The following SMIM5 variants were observed in gnomAD, a reference collection of about 807,000 sequenced individuals.
SMIM5 encodes the protein chromosome 17 open reading frame 109.
Under a neutral mutation model 4.0 loss-of-function variants are expected in SMIM5, and 4 were observed. That is an observed-to-expected ratio of 1.01 (90% CI 0.50 to 2.30). SMIM5 has a LOEUF of 2.30. SMIM5 is among the 30% of genes most tolerant of loss of function. The pLI, the probability that SMIM5 is intolerant of heterozygous loss-of-function variation, is 0.02. For synonymous variants in SMIM5, 46 were observed against 43.6 expected, an observed-to-expected ratio of 1.05 and a Z score of -0.22; for missense variants, 107 against 99.2, an observed-to-expected ratio of 1.08 and a Z score of -0.34.
At chr17:75,639,081 G>C (rs979721863) in intron 1 of SMIM5, 2 of 152,356 alleles carry the variant, frequency 1.3e-5, no homozygotes, top group African/African-American at 4.8e-5. Context: ...GCCAATTGCA[G>C]GGTGGAGGGC....
chr17:75,634,250 A>AAGG, intron 1 of SMIM5, 48 bp downstream of exon 1: 3 of 985,522 alleles, frequency 3.0e-6, no homozygotes, highest in Non-Finnish European at 3.6e-6. Context: ...AGGGAGCAGC[A>AAGG]AGGGTCCCCT....
At chr17:75,634,277 G>A (rs1001497845) in intron 1 of SMIM5, 75 bp downstream of exon 1, 65 of 984,020 alleles carry the variant, frequency 6.6e-5, no homozygotes, top group Admixed American at 1.8e-4. Flanking sequence ...AGGGTGAAGG[G>A]CCACAGTCTA....
chr17:75,634,426 G>A (rs1051415208), intron 1 of SMIM5, among the ~76,000 whole-genome samples: 2 of 152,220 alleles, frequency 1.3e-5, no homozygotes, highest in East Asian at 3.8e-4. Context: ...TGCTCAGAGC[G>A]CCTCCTGCTC....
At chr17:75,637,944 G>A (rs1225013611) in intron 1 of SMIM5, 1 of 152,278 alleles carries the variant, frequency 6.6e-6, no homozygotes, top group East Asian at 1.9e-4. Flanking sequence ...TTGCTCTCTC[G>A]GGTCTCAGCT....
At chr17:75,635,235 T>C (rs904518478) in intron 1 of SMIM5, among the ~76,000 whole-genome samples, 1 of 152,174 alleles carries the variant, frequency 6.6e-6, no homozygotes, top group African/African-American at 2.4e-5. Context: ...GACAAGCTCC[T>C]GCGGTGTTGG....
rs1214303444 is a variant in SMIM5 at position 75,640,264 on chromosome 17, G to GC, written c.64dup (p.Gln22ProfsTer7). ...TGGGCGAGAGGCTGCTGCTCAAGCT[G>GC]CAGAGACTGCCCCAGGCTGAGCCCG... On this transcript the variant is annotated frameshift_variant, in exon 2 of 3. Transcript: ENST00000375215. LOFTEE classifies it high-confidence loss of function. This position sits in a 1 kb window ranked among gnomAD's most constrained non-coding sequence, Gnocchi z 4.6. 13 of 1,551,506 alleles carry GC rather than the reference G, an allele frequency of 8.4e-6. No individual in the cohort carries two copies. The highest frequency in any genetic ancestry group is 1.1e-5 in the Non-Finnish European group (13 of 1,146,892).
intron 1 of SMIM5, among the ~76,000 whole-genome samples, chr17:75,635,632 C>T (rs778309294): frequency 1.3e-5 from 2 of 152,208 alleles, no homozygotes; most frequent in African/African-American, 4.8e-5. Flanking sequence ...GCATCCCCCC[C>T]GGCTGCTCAG....
In SMIM5 at chr17:75,633,503, CCAGGTCACT is replaced by C; in HGVS notation, c.-731_-723del. 1.6e-6 allele frequency: 2 copies of C among 1,288,766 alleles called. No individual in the cohort carries two copies. The highest frequency in any genetic ancestry group is 2.0e-6 in the Non-Finnish European group (2 of 988,482). The allele number at this position is 1,288,766 out of a possible 1,614,324, so 79.8% of individuals were successfully genotyped here. A position where few individuals can be genotyped will look rare whatever the true frequency, so the allele number is the denominator to read the frequency against. The stretch of plus-strand genomic sequence containing the variant: ...GCCTTGCCGGGCGCGCAGGCCACTC[CCAGGTCACT>C]CAGGATTCCAAGTTCTCCCCCAAGA... On this transcript the variant is annotated 5_prime_UTR_variant, in exon 1 of 3. Transcript: ENST00000375215.
intron 1 of SMIM5, chr17:75,637,762 G>A (rs2059353373): frequency 1.3e-5 from 2 of 152,304 alleles, no homozygotes; most frequent in Admixed American, 6.5e-5. Flanking sequence ...GGGGGCTCTC[G>A]GGCCCTGGCT....
chr17:75,635,040 T>G (rs2059292954), intron 1 of SMIM5, among the ~76,000 whole-genome samples: 1 of 152,202 alleles, frequency 6.6e-6, no homozygotes, highest in Admixed American at 6.5e-5. Context: ...CTACTCCTCC[T>G]GCCGCCCTGT....
chr17:75,639,114 G>C (rs1224529556), intron 1 of SMIM5: 1 of 152,352 alleles, frequency 6.6e-6, no homozygotes, highest in Non-Finnish European at 1.5e-5. Flanking sequence ...CCTTCACGGT[G>C]GTTCTAAACC....
intron 1 of SMIM5, chr17:75,635,706 G>A (rs2059308644): frequency 7.4e-6 from 6 of 810,298 alleles, no homozygotes; most frequent in Non-Finnish European, 9.0e-6. Context: ...GACCTCAAAC[G>A]AGATAATGCC....
chr17:75,638,096 G>A (rs2059361448), intron 1 of SMIM5: 1 of 152,126 alleles, frequency 6.6e-6, no homozygotes, highest in African/African-American at 2.4e-5. Context: ...AAGCTGGGTG[G>A]ATCTAACTCA....
chr17:75,635,186 C>G (rs541576686), intron 1 of SMIM5, among the ~76,000 whole-genome samples: 113 of 152,350 alleles, frequency 7.4e-4, no homozygotes, highest in African/African-American at 2.3e-3. Context: ...CTCAGCTCAG[C>G]AGAGGCTGGG....
rs1193139340 is a variant in SMIM5, at chr17:75,640,571, C to T, written c.128-220C>T. On this transcript the variant is annotated intron_variant, in intron 2 of 2. Transcript: ENST00000375215. This position sits in a 1 kb window ranked among gnomAD's most constrained non-coding sequence, Gnocchi z 4.6. ...ATCCCAAACGCGGGGATGACGGGAG[C>T]CAGGCTTGGGCAGTGAAAGAGAAGA... is the stretch of plus-strand genomic sequence containing the variant. 6.6e-6 allele frequency among the ~76,000 whole-genome samples: 1 copy of T among 152,090 alleles called. No homozygotes were observed. Among genetic ancestry groups the T allele is most frequent in the Non-Finnish European group, 1.5e-5 (1 of 68,016 alleles).
chr17:75,634,115 G>T lies in SMIM5; in HGVS notation c.-124G>T. 1 of 985,596 alleles carries T rather than the reference G, an allele frequency of 1.0e-6. No homozygotes were observed. The highest frequency in any genetic ancestry group is 1.7e-5 in the African/African-American group (1 of 57,388). 61.1% of individuals were successfully genotyped at this position (985,596 alleles called of 1,614,324 possible). A position where few individuals can be genotyped will look rare whatever the true frequency, so the allele number is the denominator to read the frequency against. On this transcript the variant is annotated 5_prime_UTR_variant, in exon 1 of 3. Coordinates refer to ENST00000375215, the MANE Select transcript of SMIM5 (RefSeq NM_001162995.3). Reference sequence around the variant, plus strand: ...CTGGGCTGAGGCGCCCAGGGGAGCAGCGGCGCCCACGAAGGAAGTACGAGG... The same window carrying T: ...CTGGGCTGAGGCGCCCAGGGGAGCATCGGCGCCCACGAAGGAAGTACGAGG...
In SMIM5 at chr17:75,640,418, C is replaced by T. The variant is rs568850265; in HGVS notation, c.127+90C>T. Reference sequence around the variant, plus strand: ...CCAGCCAGAGGGCTGGCAGAGGTGGCGGGTGTCTGCCGGATCAAGGAGGAA... The same window carrying T: ...CCAGCCAGAGGGCTGGCAGAGGTGGTGGGTGTCTGCCGGATCAAGGAGGAA... On this transcript the variant is annotated intron_variant, in intron 2 of 2. Transcript: ENST00000375215. The surrounding 1 kb of genome is among the most constrained non-coding windows in gnomAD (Gnocchi z 4.6). 1,154 of 1,443,416 alleles carry T rather than the reference C, an allele frequency of 8.0e-4. 4 individuals are homozygous for T. In the Middle Eastern group the frequency reaches 8.4e-3, roughly 10 times the overall value. The allele number at this position is 1,443,416 out of a possible 1,614,324, so 89.4% of individuals were successfully genotyped here.
At chr17:75,634,322 G>A (rs965817980) in intron 1 of SMIM5, 120 bp downstream of exon 1, 2 of 940,764 alleles carry the variant, frequency 2.1e-6, no homozygotes. Flanking sequence ...GGACATGCTG[G>A]GTCGCTTCCC....
intron 1 of SMIM5, chr17:75,635,826 G>A (rs975895612): frequency 3.2e-5 from 32 of 985,322 alleles, no homozygotes; most frequent in African/African-American, 1.9e-4. Context: ...TCTCAAACAC[G>A]CCGCCTGCTG....
Sources: gnomAD v4.1 joint callset for allele counts (sites outside exome capture counted in the v4.1 genomes callset) on GRCh38, gnomAD v4.1.1 for gene constraint, Gnocchi (gnomAD v3.1) non-coding constraint, MANE v1.5 for transcripts, NCBI Gene and HGNC (gene_info 2026-07-23, HGNC 2026-07-21) for gene names.